KCNK10: variants seen among roughly 807,000 people sequenced by gnomAD.
KCNK10 encodes potassium two pore domain channel subfamily K member 10.
In KCNK10, 25 loss-of-function variants were observed where a neutral mutation model predicts 47.7. The ratio of observed to expected loss-of-function variants is 0.52; its 90% CI spans 0.38 to 0.73. The LOEUF (loss-of-function observed/expected upper bound fraction) is 0.73. KCNK10 is among the 30% of genes least tolerant of loss of function. The probability of loss-of-function intolerance (pLI) is 0.00; values close to 1 mark genes in which losing one functional copy is unlikely to be tolerated. For synonymous variants in KCNK10, 303 were observed against 285.6 expected, an observed-to-expected ratio of 1.06 and a Z score of -0.61; for missense variants, 563 against 714.5, an observed-to-expected ratio of 0.79 and a Z score of 2.42.
intron 1 of KCNK10, among the ~76,000 whole-genome samples, chr14:88,309,534 C>T (rs749203176): frequency 6.6e-6 from 1 of 152,176 alleles, no homozygotes; most frequent in Non-Finnish European, 1.5e-5. Context: ...CCCAGGAGAT[C>T]GAGGCTGCAG....
At chr14:88,240,633 A>G in intron 3 of KCNK10, 70 bp downstream of exon 3, 1 of 1,001,488 alleles carries the variant, frequency 1.0e-6, no homozygotes, top group South Asian at 1.3e-5. Flanking sequence ...CTATGAGGAC[A>G]AAACACTGAC....
chr14:88,305,879 T>C (rs531624670), intron 1 of KCNK10, among the ~76,000 whole-genome samples: 1 of 152,302 alleles, frequency 6.6e-6, no homozygotes, highest in Admixed American at 6.5e-5. Flanking sequence ...ATGTAAACCA[T>C]ATTCCTGAGT....
chr14:88,195,327 C>T (rs1306206888), intron 4 of KCNK10, among the ~76,000 whole-genome samples: 1 of 152,186 alleles, frequency 6.6e-6, no homozygotes, highest in Admixed American at 6.5e-5. Flanking sequence ...CCCACCTCAT[C>T]GGATTGTTTG....
intron 1 of KCNK10, among the ~76,000 whole-genome samples, chr14:88,320,920 G>A (rs972347792): frequency 1.3e-5 from 2 of 152,170 alleles, no homozygotes; most frequent in East Asian, 1.9e-4. Context: ...GGGGCGTCTC[G>A]CCTGTGGATC....
chr14:88,212,571 G>A (rs1359909502), intron 4 of KCNK10, among the ~76,000 whole-genome samples: 2 of 152,136 alleles, frequency 1.3e-5, no homozygotes, highest in Admixed American at 6.5e-5. Context: ...ATGTTAAGGA[G>A]ACATATTGTT....
intron 2 of KCNK10, among the ~76,000 whole-genome samples, chr14:88,247,206 G>A (rs1475659581): frequency 6.6e-6 from 1 of 152,060 alleles, no homozygotes. Flanking sequence ...ATCTGGGAAG[G>A]GCAGGCTGGC....
At chr14:88,204,304 G>C (rs1885194458) in intron 4 of KCNK10, among the ~76,000 whole-genome samples, 1 of 152,192 alleles carries the variant, frequency 6.6e-6, no homozygotes, top group African/African-American at 2.4e-5. Flanking sequence ...TTTGGAAAAG[G>C]AGTGACAACC....
At chr14:88,194,811 C>T (rs1471358290) in intron 4 of KCNK10, among the ~76,000 whole-genome samples, 1 of 152,138 alleles carries the variant, frequency 6.6e-6, no homozygotes, top group Admixed American at 6.5e-5. Context: ...TTCTCCTAGA[C>T]ATCCAAGGGT....
chr14:88,194,184 G>A (rs779659095), intron 4 of KCNK10, among the ~76,000 whole-genome samples: 2 of 152,142 alleles, frequency 1.3e-5, no homozygotes, highest in South Asian at 2.1e-4. Flanking sequence ...TGAAAATATC[G>A]ACTTTTCCAC....
intron 5 of KCNK10, among the ~76,000 whole-genome samples, chr14:88,190,487 T>C (rs868480583): frequency 6.6e-6 from 1 of 152,208 alleles, no homozygotes; most frequent in Non-Finnish European, 1.5e-5. Flanking sequence ...TCAGTTTCTC[T>C]GTACAGTCTC....
chr14:88,183,938 T>C lies in KCNK10; in HGVS notation c.*1597A>G, dbSNP rs1341982263. ...GTTAGTTACGTAAAATCCCGTGAAC[T>C]CTGTAAAAGGTAGCAGTGAGCCTAG... is the stretch of plus-strand genomic sequence containing the variant. On this transcript the variant is annotated 3_prime_UTR_variant, in exon 7 of 7. Transcript: ENST00000319231. 1 of 152,288 alleles carries C rather than the reference T, an allele frequency of 6.6e-6. No homozygotes were observed. Among genetic ancestry groups the C allele is most frequent in the African/African-American group, 2.4e-5 (1 of 41,424 alleles). 9.4% of individuals were successfully genotyped at this position (152,288 alleles called of 1,614,324 possible). A position where few individuals can be genotyped will look rare whatever the true frequency, so the allele number is the denominator to read the frequency against.
intron 2 of KCNK10, among the ~76,000 whole-genome samples, chr14:88,258,992 A>C (rs1887036944): frequency 6.6e-6 from 1 of 152,234 alleles, no homozygotes. Flanking sequence ...ACATGATGAA[A>C]TAAATACTTT....
rs1220503458 is a variant in KCNK10 at position 88,182,380 on chromosome 14, G to A, written c.*3155C>T. The A allele has an allele frequency of 1.3e-5, 2 of 152,340 alleles. No homozygotes were observed. The highest frequency in any genetic ancestry group is 2.9e-5 in the Non-Finnish European group (2 of 68,042). The allele number at this position is 152,340 out of a possible 1,614,324, so 9.4% of individuals were successfully genotyped here. A position where few individuals can be genotyped will look rare whatever the true frequency, so the allele number is the denominator to read the frequency against. On this transcript the variant is annotated 3_prime_UTR_variant, in exon 7 of 7. Coordinates refer to ENST00000319231, the MANE Select transcript of KCNK10 (RefSeq NM_138317.3). Reference sequence around the variant, plus strand: ...CTGTGCTGATGCATGTATAGAATGTGTAGCAGCTTTGACCTATCACGTGTA... The same window carrying A: ...CTGTGCTGATGCATGTATAGAATGTATAGCAGCTTTGACCTATCACGTGTA...
In KCNK10 at chr14:88,322,329, G is replaced by A. The variant is rs911163775; in HGVS notation, c.52+418C>T. Among the ~76,000 whole-genome samples the A allele has an allele frequency of 6.6e-6, 1 of 152,040 alleles. No individual in the cohort carries two copies. Among genetic ancestry groups the A allele is most frequent in the Non-Finnish European group, 1.5e-5 (1 of 68,016 alleles). ...GAAACCTTTCCCACTGAGGACACCC[G>A]GGCATGCGGCGCAGCTCCAGGTCCA... On this transcript the variant is annotated intron_variant, in intron 1 of 6. Transcript: ENST00000319231. This position sits in a 1 kb window ranked among gnomAD's most constrained non-coding sequence, Gnocchi z 4.8.
At position 88,203,941 on chromosome 14, in the gene KCNK10, AG is replaced by A. The variant is rs576799762; in HGVS notation, c.682-11532del. ...CAGGTGGGAGGGGTACTGTGGGGCC[AG>A]TGGAGCACCAGGCATTGGGGCCAAA... On this transcript the variant is annotated intron_variant, in intron 4 of 6. Coordinates refer to ENST00000319231, the MANE Select transcript of KCNK10 (RefSeq NM_138317.3). Among the ~76,000 whole-genome samples, 332 of 152,350 alleles carry A rather than the reference AG, an allele frequency of 2.2e-3. 1 individual carries two copies. The highest frequency in any genetic ancestry group is 7.8e-3 in the African/African-American group (323 of 41,578).
At chr14:88,315,859 C>T (rs1419311935) in intron 1 of KCNK10, among the ~76,000 whole-genome samples, 2 of 151,942 alleles carry the variant, frequency 1.3e-5, no homozygotes, top group Non-Finnish European at 2.9e-5. Flanking sequence ...CAAGACTCTG[C>T]AGGATTTGGG....
At chr14:88,258,547 C>T (rs922067983) in intron 2 of KCNK10, among the ~76,000 whole-genome samples, 1 of 152,184 alleles carries the variant, frequency 6.6e-6, no homozygotes, top group Non-Finnish European at 1.5e-5. Context: ...ACTCGGCCTC[C>T]CACAGTGGTG....
At chr14:88,301,672 C>T (rs974010267) in intron 1 of KCNK10, among the ~76,000 whole-genome samples, 6 of 151,390 alleles carry the variant, frequency 4.0e-5, no homozygotes, top group Non-Finnish European at 5.9e-5. Flanking sequence ...AAAGAGGTCC[C>T]GTAAAGGCCC....
chr14:88,313,967 A>G (rs553619243), intron 1 of KCNK10, among the ~76,000 whole-genome samples: 2 of 152,190 alleles, frequency 1.3e-5, no homozygotes, highest in Non-Finnish European at 2.9e-5. Context: ...ATTTTGGGAA[A>G]TGTTGGTCTG....
Sources: allele counts gnomAD v4.1 joint callset (sites outside exome capture counted in the v4.1 genomes callset), GRCh38; gene constraint gnomAD v4.1.1; non-coding constraint Gnocchi (gnomAD v3.1); transcripts MANE v1.5; gene names NCBI Gene and HGNC (gene_info 2026-07-23, HGNC 2026-07-21).